The following MYO3B variants were observed in gnomAD, a reference collection of about 807,000 sequenced individuals.
MYO3B encodes myosin-IIIb.
Under a neutral mutation model 174.6 loss-of-function variants are expected in MYO3B, and 156 were observed. The observed-to-expected ratio is 0.89, with a 90% CI of 0.78 to 1.02. The LOEUF (loss-of-function observed/expected upper bound fraction) is 1.02, where lower values mean the gene tolerates loss of function less well. Ranked by LOEUF, MYO3B falls within the 50% of genes least tolerant of loss-of-function variation. The pLI is 0.00. For missense variants in MYO3B, 1,632 were observed against 1,639.4 expected (o/e 1.00, Z 0.08); for synonymous variants, 563 against 569.1 (o/e 0.99, Z 0.15).
chr2:170,397,120 T>A (rs1335749739), intron 16 of MYO3B, among the ~76,000 whole-genome samples: 1 of 152,176 alleles, frequency 6.6e-6, no homozygotes, highest in Non-Finnish European at 1.5e-5. Context: ...TTAAGTTGGG[T>A]GATTAAACAA....
At chr2:170,279,954 T>C (rs1574707170) in intron 7 of MYO3B, among the ~76,000 whole-genome samples, 1 of 152,204 alleles carries the variant, frequency 6.6e-6, no homozygotes, top group East Asian at 1.9e-4. Context: ...TATGGTAGAA[T>C]GATTTATATT....
intron 7 of MYO3B, among the ~76,000 whole-genome samples, chr2:170,259,110 T>A (rs144842795): frequency 6.6e-6 from 1 of 152,210 alleles, no homozygotes; most frequent in African/African-American, 2.4e-5. Flanking sequence ...ACTGGAAAAA[T>A]CAGTGTTGTT....
At chr2:170,362,021 C>A (rs1055781659) in intron 8 of MYO3B, among the ~76,000 whole-genome samples, 1 of 152,148 alleles carries the variant, frequency 6.6e-6, no homozygotes, top group African/African-American at 2.4e-5. Context: ...GAGGCTGCAA[C>A]CCTGGGGCAT....
intron 1 of MYO3B, among the ~76,000 whole-genome samples, chr2:170,196,657 C>T (rs2092603581): frequency 7.4e-6 from 1 of 134,598 alleles, no homozygotes; most frequent in African/African-American, 2.7e-5. Flanking sequence ...ATGAAACTGC[C>T]TTTGCAAAAA....
intron 10 of MYO3B, 42 bp from the exon 11 acceptor site, chr2:170,383,031 T>G (rs1435277587): frequency 1.6e-6 from 2 of 1,238,772 alleles, no homozygotes; most frequent in Non-Finnish European, 2.4e-6. Flanking sequence ...ATCCCTTGAC[T>G]GGGAATAATA....
rs1391725872 is a variant in MYO3B at position 170,296,008 on chromosome 2, C to A, written c.750-39377C>A. ...TAGCAGCCTACTGAAAATCATATAA[C>A]TTTCTCCCTAGAAAAATGGATAAAA... On this transcript the variant is annotated intron_variant, in intron 7 of 34. Transcript: ENST00000408978. 2.0e-5 allele frequency among the ~76,000 whole-genome samples: 3 copies of A among 152,190 alleles called. 1 individual carries two copies. The highest frequency in any genetic ancestry group is 2.9e-5 in the Non-Finnish European group (2 of 68,032).
At chr2:170,650,703 A>ATTTT (rs1698946314) in intron 32 of MYO3B, among the ~76,000 whole-genome samples, 1 of 61,570 alleles carries the variant, frequency 1.6e-5, no homozygotes, top group African/African-American at 6.0e-5. Flanking sequence ...TTTTTTTTTG[A>ATTTT]GATGGAGTCT....
intron 28 of MYO3B, among the ~76,000 whole-genome samples, chr2:170,511,317 C>T (rs544339611): frequency 2.6e-5 from 4 of 151,664 alleles, no homozygotes; most frequent in African/African-American, 7.3e-5. Flanking sequence ...CCGCCTGCCT[C>T]GGCTTCCCAA....
At chr2:170,569,758 A>G (rs1692314915) in intron 32 of MYO3B, among the ~76,000 whole-genome samples, 1 of 151,052 alleles carries the variant, frequency 6.6e-6, no homozygotes, top group Non-Finnish European at 1.5e-5. Flanking sequence ...GCTACTCAGG[A>G]GGCTGAGACA....
intron 25 of MYO3B, among the ~76,000 whole-genome samples, chr2:170,476,865 A>C (rs1468772225): frequency 6.6e-6 from 1 of 151,754 alleles, no homozygotes; most frequent in South Asian, 2.1e-4. Flanking sequence ...TCACTTTCCT[A>C]TGGTATATAA....
In MYO3B at chr2:170,288,098, A is replaced by G. The variant is rs546642956; in HGVS notation, c.750-47287A>G. ...TTGTCTATGTGTCCATTTTTATGCC[A>G]GTACCGTACTGTTTTGGTTGCTATA... On this transcript the variant is annotated intron_variant, in intron 7 of 34. Transcript: ENST00000408978. Among the ~76,000 whole-genome samples, 6 of 152,234 alleles carry G rather than the reference A, an allele frequency of 3.9e-5. No individual in the cohort carries two copies. In the South Asian group the frequency reaches 1.2e-3, roughly 32 times the overall value.
intron 7 of MYO3B, among the ~76,000 whole-genome samples, chr2:170,328,457 G>C (rs1340309807): frequency 1.3e-5 from 2 of 152,110 alleles, no homozygotes; most frequent in Non-Finnish European, 2.9e-5. Flanking sequence ...CTGTAGCTCT[G>C]TTGCCCCCAC....
intron 23 of MYO3B, among the ~76,000 whole-genome samples, chr2:170,444,686 A>T (rs1295162001): frequency 6.6e-6 from 1 of 152,248 alleles, no homozygotes; most frequent in South Asian, 2.1e-4. Flanking sequence ...GTTGAATAGT[A>T]TTCCAAAATT....
intron 22 of MYO3B, among the ~76,000 whole-genome samples, chr2:170,430,748 G>T (rs978519970): frequency 2.6e-5 from 4 of 152,014 alleles, no homozygotes; most frequent in Non-Finnish European, 5.9e-5. Flanking sequence ...AATTACACCT[G>T]GATTAAGTAT....
intron 28 of MYO3B, among the ~76,000 whole-genome samples, chr2:170,505,918 A>G (rs565948577): frequency 9.8e-5 from 15 of 152,314 alleles, no homozygotes; most frequent in African/African-American, 3.4e-4. Context: ...TGCTGTGGAA[A>G]TTGTTATTTT....
In MYO3B at chr2:170,536,490, G is replaced by C. The variant is rs1461903817; in HGVS notation, c.3576-6416G>C. Among the ~76,000 whole-genome samples, 3 of 152,196 alleles carry C rather than the reference G, an allele frequency of 2.0e-5. No homozygotes were observed. In the East Asian group the frequency reaches 5.8e-4, roughly 29 times the overall value. ...GTTACTGGGTATCCAAACCTGATGAGAAAAAGTAATACAAAAGGTGTGAAG... is the reference window on the plus strand; with the variant it reads ...GTTACTGGGTATCCAAACCTGATGACAAAAAGTAATACAAAAGGTGTGAAG... On this transcript the variant is annotated intron_variant, in intron 30 of 34. Coordinates refer to ENST00000408978, the MANE Select transcript of MYO3B (RefSeq NM_138995.5).
intron 28 of MYO3B, among the ~76,000 whole-genome samples, chr2:170,508,702 T>C (rs1687775405): frequency 6.6e-6 from 1 of 152,206 alleles, no homozygotes; most frequent in South Asian, 2.1e-4. Flanking sequence ...GGAAATAAGG[T>C]ACCAGTCAAA....
intron 32 of MYO3B, among the ~76,000 whole-genome samples, chr2:170,580,391 G>A (rs1449528671): frequency 6.6e-6 from 1 of 152,094 alleles, no homozygotes; most frequent in Non-Finnish European, 1.5e-5. Flanking sequence ...TAATCCCAAC[G>A]CTTTAGGAGG....
chr2:170,306,072 A>T lies in MYO3B; in HGVS notation c.750-29313A>T, dbSNP rs13383941. ...CTGGGTCCATGGTGGTTTCACTCAT[A>T]TGCCTGGGTGCCTTTGGTGGGAATG... On this transcript the variant is annotated intron_variant, in intron 7 of 34. Transcript: ENST00000408978. Among the ~76,000 whole-genome samples the T allele has an allele frequency of 7.4e-3, 1,130 of 152,284 alleles. 17 individuals are homozygous for T. The highest frequency in any genetic ancestry group is 0.026 in the African/African-American group (1,089 of 41,560).
Sources: gnomAD v4.1 joint callset for allele counts (sites outside exome capture counted in the v4.1 genomes callset) on GRCh38, gnomAD v4.1.1 for gene constraint, MANE v1.5 for transcripts, NCBI Gene and HGNC (gene_info 2026-07-23, HGNC 2026-07-21) for gene names.